The following PLXDC2 variants were observed in gnomAD, a reference collection of about 807,000 sequenced individuals.
PLXDC2 encodes the protein plexin domain containing 2, also known as plexin domain-containing protein 2.
In PLXDC2, 40 loss-of-function variants were observed where a neutral mutation model predicts 68.9. The ratio of observed to expected loss-of-function variants is 0.58; its 90% CI spans 0.45 to 0.76. PLXDC2 has a LOEUF of 0.76. Among genes scored for constraint, PLXDC2 ranks in the 30% least tolerant of loss-of-function variants. The pLI, the probability that PLXDC2 is intolerant of heterozygous loss-of-function variation, is 0.00. For missense variants in PLXDC2, 644 were observed against 661.9 expected, an observed-to-expected ratio of 0.97 and a Z score of 0.30; for synonymous variants, 243 against 234.2, an observed-to-expected ratio of 1.04 and a Z score of -0.34.
At chr10:19,924,713 T>C (rs1833510537) in intron 1 of PLXDC2, among the ~76,000 whole-genome samples, 1 of 152,230 alleles carries the variant, frequency 6.6e-6, no homozygotes, top group Admixed American at 6.5e-5. Flanking sequence ...GACAGATACC[T>C]TGTGTCCATG....
In PLXDC2 at chr10:20,178,326, AT is replaced by A. The variant is rs1230451039; in HGVS notation, c.1061+920del. Among the ~76,000 whole-genome samples the A allele has an allele frequency of 5.9e-5, 9 of 152,268 alleles. No individual in the cohort carries two copies. The South Asian group carries it at 1.7e-3, about 28-fold the overall frequency. On this transcript the variant is annotated intron_variant, in intron 9 of 13. Coordinates refer to ENST00000377252, the MANE Select transcript of PLXDC2 (RefSeq NM_032812.9). Reference sequence around the variant, plus strand: ...AGAGCTTTTCAGAGACTGAATAATCATTTGTTGGAAATACAGGATGAAGACT... The same window carrying A: ...AGAGCTTTTCAGAGACTGAATAATCATTGTTGGAAATACAGGATGAAGACT...
intron 1 of PLXDC2, among the ~76,000 whole-genome samples, chr10:19,914,612 A>G (rs1024164298): frequency 6.6e-6 from 1 of 152,218 alleles, no homozygotes; most frequent in East Asian, 1.9e-4. Context: ...AAGCGAACAT[A>G]AAACAAGATC....
In PLXDC2 at chr10:19,985,766, G is replaced by A. The variant is rs545340715; in HGVS notation, c.113-16009G>A. ...GCAATCTATTTTGAAGTCAATAATAGCGGAGGTGATCATGTTAAGTCATGT... is the reference window on the plus strand; with the variant it reads ...GCAATCTATTTTGAAGTCAATAATAACGGAGGTGATCATGTTAAGTCATGT... On this transcript the variant is annotated intron_variant, in intron 1 of 13. Coordinates refer to ENST00000377252, the MANE Select transcript of PLXDC2 (RefSeq NM_032812.9). 4.6e-5 allele frequency among the ~76,000 whole-genome samples: 7 copies of A among 152,326 alleles called. No individual in the cohort carries two copies. The South Asian group carries it at 1.4e-3, about 32-fold the overall frequency.
At chr10:19,952,632 T>C (rs1419349720) in intron 1 of PLXDC2, among the ~76,000 whole-genome samples, 1 of 152,190 alleles carries the variant, frequency 6.6e-6, no homozygotes, top group African/African-American at 2.4e-5. Context: ...TCAGAGAATA[T>C]ACAGAGAAAT....
chr10:19,973,379 T>G, intron 1 of PLXDC2, among the ~76,000 whole-genome samples: 1 of 108,684 alleles, frequency 9.2e-6, no homozygotes, highest in South Asian at 3.3e-4. Context: ...CATATATATG[T>G]GAATATATAT....
chr10:20,073,059 A>T (rs2131712230), intron 4 of PLXDC2, among the ~76,000 whole-genome samples: 1 of 152,248 alleles, frequency 6.6e-6, no homozygotes, highest in South Asian at 2.1e-4. Flanking sequence ...TTCTAAATAG[A>T]CCTGGGCTGG....
intron 1 of PLXDC2, among the ~76,000 whole-genome samples, chr10:19,826,658 G>A (rs984146932): frequency 7.2e-5 from 11 of 152,040 alleles, no homozygotes; most frequent in African/African-American, 2.2e-4. Context: ...AACTAGCATA[G>A]GATATTATAT....
intron 2 of PLXDC2, among the ~76,000 whole-genome samples, chr10:20,007,005 A>G (rs1345332512): frequency 6.6e-6 from 1 of 152,228 alleles, no homozygotes; most frequent in Non-Finnish European, 1.5e-5. Flanking sequence ...AAGTGTAGGT[A>G]TTAAAAATGA....
At chr10:20,147,294 C>G (rs911175682) in intron 5 of PLXDC2, among the ~76,000 whole-genome samples, 8 of 152,070 alleles carry the variant, frequency 5.3e-5, no homozygotes, top group African/African-American at 1.9e-4. Flanking sequence ...GGAGAAAATT[C>G]CCATTAGTGT....
At chr10:19,991,098 T>C (rs1013172298) in intron 1 of PLXDC2, among the ~76,000 whole-genome samples, 1 of 151,868 alleles carries the variant, frequency 6.6e-6, no homozygotes, top group Non-Finnish European at 1.5e-5. Context: ...AATACAAAAT[T>C]AGTGGGGCGT....
At chr10:19,825,748 T>C (rs1836558405) in intron 1 of PLXDC2, among the ~76,000 whole-genome samples, 1 of 152,206 alleles carries the variant, frequency 6.6e-6, no homozygotes, top group African/African-American at 2.4e-5. Flanking sequence ...TAAGGTACAT[T>C]TCAGGTACTG....
chr10:20,168,466 A>T (rs987161648), intron 7 of PLXDC2, among the ~76,000 whole-genome samples: 4 of 152,242 alleles, frequency 2.6e-5, no homozygotes, highest in Non-Finnish European at 4.4e-5. Flanking sequence ...ACCACAGGAG[A>T]TTCCCACTAA....
Position 20,009,160 on chromosome 10 carries a change from C to T in PLXDC2, c.324+7174C>T, listed in dbSNP as rs555789591. Among the ~76,000 whole-genome samples the T allele has an allele frequency of 5.3e-5, 8 of 152,232 alleles. No homozygotes were observed. In the South Asian group the frequency reaches 1.7e-3, roughly 32 times the overall value. Reference sequence around the variant, plus strand: ...TATAAAGGAGTAGTAAGACATCATCCCATTTCACAGAAATAGAGTGATAAA... The same window carrying T: ...TATAAAGGAGTAGTAAGACATCATCTCATTTCACAGAAATAGAGTGATAAA... On this transcript the variant is annotated intron_variant, in intron 2 of 13. Coordinates refer to ENST00000377252, the MANE Select transcript of PLXDC2 (RefSeq NM_032812.9).
Position 20,001,845 on chromosome 10 carries a change from C to T in PLXDC2, c.183C>T (p.Tyr61=), listed in dbSNP as rs1385714677. ...EEEVEVDSHA[Y]SHRWKRNLDF... ...AGGTGGAAGTTGATTCACACGCGTA[C>T]AGCCACAGGTGGAAAAGAAACTTGG... Residue 61 remains tyrosine, a synonymous_variant, in exon 2 of 14, where the codon TAC becomes TAT. Transcript: ENST00000377252. 6 of 1,614,038 alleles carry T rather than the reference C, an allele frequency of 3.7e-6. No individual in the cohort carries two copies. The South Asian group carries it at 4.4e-5, about 12-fold the overall frequency.
At chr10:20,264,230 T>C (rs1299658962) in intron 13 of PLXDC2, among the ~76,000 whole-genome samples, 2 of 152,148 alleles carry the variant, frequency 1.3e-5, no homozygotes, top group Non-Finnish European at 2.9e-5. Flanking sequence ...AACCAAATAC[T>C]GCATGTCCTC....
At chr10:19,973,272 A>G (rs1325073940) in intron 1 of PLXDC2, among the ~76,000 whole-genome samples, 1 of 140,710 alleles carries the variant, frequency 7.1e-6, no homozygotes, top group Non-Finnish European at 1.6e-5. Context: ...ACTCACAGAT[A>G]TATGTATACA....
At chr10:20,146,008 G>A (rs1434693913) in intron 5 of PLXDC2, among the ~76,000 whole-genome samples, 9 of 152,116 alleles carry the variant, frequency 5.9e-5, no homozygotes, top group Non-Finnish European at 7.3e-5. Flanking sequence ...ATGTCTTGAA[G>A]GCAAAAACTA....
chr10:20,146,442 TCTTCCTTTCTTC>T (rs1361370934), intron 5 of PLXDC2, among the ~76,000 whole-genome samples: 1 of 149,402 alleles, frequency 6.7e-6, no homozygotes, highest in Non-Finnish European at 1.5e-5. Flanking sequence ...TTTCTTTCTT[TCTTCCTTTCTTC>T]CTTCCTTCCT....
intron 2 of PLXDC2, among the ~76,000 whole-genome samples, chr10:20,032,006 A>G (rs546355258): frequency 5.9e-5 from 9 of 152,084 alleles, no homozygotes; most frequent in African/African-American, 2.2e-4. Flanking sequence ...TTTTTTGTAG[A>G]GACAAGGTTT....
Sources: gnomAD v4.1 joint callset for allele counts (sites outside exome capture counted in the v4.1 genomes callset) on GRCh38, gnomAD v4.1.1 for gene constraint, MANE v1.5 for transcripts, NCBI Gene and HGNC (gene_info 2026-07-23, HGNC 2026-07-21) for gene names.